COL5A3: variants seen among roughly 807,000 people sequenced by gnomAD.
COL5A3 encodes collagen alpha-3(V) chain.
Under a neutral mutation model 250.0 loss-of-function variants are expected in COL5A3, and 172 were observed. The ratio of observed to expected loss-of-function variants is 0.69; its 90% confidence interval spans 0.61 to 0.78. The LOEUF (loss-of-function observed/expected upper bound fraction) is 0.78, where lower values mean the gene tolerates loss of function less well. Ranked by LOEUF, COL5A3 falls within the 30% of genes least tolerant of loss-of-function variation. COL5A3 has a pLI of 0.00. For missense variants in COL5A3, 2,340 were observed against 2,334.4 expected (o/e 1.00, Z -0.05); for synonymous variants, 937 against 900.4 (o/e 1.04, Z -0.73).
intron 31 of COL5A3, among the ~76,000 whole-genome samples, chr19:9,983,576 GAAAGAAAGAAAGAAAGAAAGAAAGAGAA>G: frequency 1.5e-5 from 1 of 68,264 alleles, no homozygotes; most frequent in Non-Finnish European, 3.6e-5. Context: ...AAGAAAGAAA[GAAAGAAAGAAAGAAAGAAAGAAAGAGAA>G]AGAGAGAGAG....
In COL5A3 at chr19:10,001,536, G is replaced by A; in HGVS notation, c.1098C>T (p.Phe366=). ...RAAEYPSRTQ[F]QIFPGAGEKG... is the part of the protein sequence containing the mutation. The stretch of plus-strand genomic sequence containing the variant: ...CCTAGAAACTCACAGGAAAGATCTG[G>A]AACTGAGTCCGAGATGGATATTCTG... The change falls in exon 8 of 67, where the codon TTC becomes TTT. Residue 366 remains phenylalanine (F), a synonymous_variant. Coordinates refer to ENST00000264828, the MANE Select transcript of COL5A3 (RefSeq NM_015719.4). The A allele has an allele frequency of 1.9e-6, 3 of 1,614,070 alleles. No homozygotes were observed. In the South Asian group the frequency reaches 3.3e-5, roughly 18 times the overall value.
At chr19:9,970,477 G>GGGTAAGCGGGGACTGTAA (rs2086827736) in intron 54 of COL5A3, 145 bp downstream of exon 54, 2 of 427,846 alleles carry the variant, frequency 4.7e-6, no homozygotes, top group African/African-American at 2.8e-5. Flanking sequence ...GGGGTCTGTG[G>GGGTAAGCGGGGACTGTAA]GGTGAGTGGG....
chr19:9,996,832 G>T, intron 11 of COL5A3, 143 bp from the exon 12 acceptor site: 1 of 634,394 alleles, frequency 1.6e-6, no homozygotes, highest in Non-Finnish European at 2.7e-6. Context: ...AGGGATCATG[G>T]CAAGGAAAGA....
Position 9,970,189 on chromosome 19 carries a change from GGTCTGTGGGT to G in COL5A3, c.3937-277_3937-268del, listed in dbSNP as rs1190210862. Among the ~76,000 whole-genome samples the G allele has an allele frequency of 6.6e-5, 7 of 105,296 alleles. 1 individual carries two copies. The highest frequency in any genetic ancestry group is 8.1e-5 in the Non-Finnish European group (4 of 49,492). The allele number at this position is 105,296 out of a possible 152,430, so 69.1% of individuals were successfully genotyped here. ...GTGAGTGGGGTCTGTGGGTGAGTGGGGTCTGTGGGTGAGTGGGGGCTGTGGGTGAGTGGGG... is the reference window on the plus strand; with the variant it reads ...GTGAGTGGGGTCTGTGGGTGAGTGGGGAGTGGGGGCTGTGGGTGAGTGGGG... On this transcript the variant is annotated intron_variant, in intron 54 of 66. Transcript: ENST00000264828.
intron 1 of COL5A3, among the ~76,000 whole-genome samples, chr19:10,007,161 T>C (rs1255675817): frequency 6.8e-6 from 1 of 147,338 alleles, no homozygotes; most frequent in Non-Finnish European, 1.5e-5. Flanking sequence ...CTCCTCTGAC[T>C]TTCCCCTCTG....
Position 9,993,804 on chromosome 19 carries a change from G to T in COL5A3, c.1590C>A (p.Gly530=). ...CCCGAGCTCCATCTGCTCCAGGGCG[G>T]CCCTATGGAGAAAGTAAGCCCAAGA... ...HGPPGRVGKM[G]RPGADGARGL... Residue 530 remains glycine, a splice_region_variant and synonymous_variant, in exon 17 of 67, where the codon GGC becomes GGA. Transcript: ENST00000264828. The T allele has an allele frequency of 2.5e-6, 4 of 1,614,084 alleles. No individual in the cohort carries two copies. The South Asian group carries it at 4.4e-5, about 18-fold the overall frequency.
At chr19:9,985,099 C>T (rs946826359) in intron 31 of COL5A3, among the ~76,000 whole-genome samples, 7 of 151,480 alleles carry the variant, frequency 4.6e-5, no homozygotes, top group African/African-American at 1.7e-4. Context: ...CAGGTGCATG[C>T]TACTATGCCC....
intron 1 of COL5A3, among the ~76,000 whole-genome samples, chr19:10,006,831 T>C (rs2087451137): frequency 6.6e-6 from 1 of 151,586 alleles, no homozygotes; most frequent in African/African-American, 2.4e-5. Flanking sequence ...TTCTTCTGCC[T>C]GACCCCAGCC....
rs1228944031 is a variant in COL5A3, at chr19:9,996,228, AG to A, written c.1456del (p.Leu486SerfsTer16). 8.9e-6 allele frequency: 14 copies of A among 1,577,494 alleles called. No homozygotes were observed. The highest frequency in any genetic ancestry group is 1.2e-5 in the Non-Finnish European group (14 of 1,164,046). The stretch of plus-strand genomic sequence containing the variant: ...CACCACAGGGCCTGGGCGCCCAGTG[AG>A]CCCCACTGGACCAGGGGGGCCTTTC... Reference protein sequence around the residue: ...SMKGPPGPVGLTGRPGPVGLP... With the variant: ...SMKGPPGPVGXTGRPGPVGLP... On this transcript the variant is annotated frameshift_variant, in exon 14 of 67. Transcript: ENST00000264828. LOFTEE classifies it high-confidence loss of function.
chr19:9,989,069 G>A (rs1599555477), intron 27 of COL5A3, 55 bp downstream of exon 27: 5 of 1,570,242 alleles, frequency 3.2e-6, no homozygotes, highest in Non-Finnish European at 1.8e-6. Flanking sequence ...GAGCTGCATC[G>A]CATGCCTGAA....
intron 8 of COL5A3, among the ~76,000 whole-genome samples, chr19:9,998,360 G>A (rs1168199667): frequency 6.6e-6 from 1 of 152,168 alleles, no homozygotes; most frequent in Non-Finnish European, 1.5e-5. Context: ...GGTGAATGAA[G>A]AGCGTGAAAT....
intron 54 of COL5A3, among the ~76,000 whole-genome samples, chr19:9,970,397 G>A: frequency 7.9e-6 from 1 of 126,886 alleles, no homozygotes; most frequent in African/African-American, 3.0e-5. Context: ...TGGGGTGAGT[G>A]GGGTCTGTGG....
chr19:9,966,245 T>C, intron 64 of COL5A3, 69 bp downstream of exon 64: 1 of 1,131,292 alleles, frequency 8.8e-7, no homozygotes, highest in Non-Finnish European at 1.3e-6. Context: ...CCAGACAAGG[T>C]GGTTGTGGGT....
intron 8 of COL5A3, among the ~76,000 whole-genome samples, 197 bp from the exon 9 acceptor site, chr19:9,998,346 C>T (rs531678509): frequency 6.6e-6 from 1 of 152,234 alleles, no homozygotes; most frequent in South Asian, 2.1e-4. Flanking sequence ...CAATGCCATG[C>T]CAAGGTGAAT....
chr19:9,980,069 T>A, intron 35 of COL5A3, 22 bp from the exon 36 acceptor site: 1 of 1,592,268 alleles, frequency 6.3e-7, no homozygotes, highest in South Asian at 1.1e-5. Context: ...ACAGAAATCA[T>A]GATCTCATCC....
rs79931051 is a variant in COL5A3, at chr19:9,986,956, G to A, written c.2146-198C>T. Among the ~76,000 whole-genome samples, 7 of 152,262 alleles carry A rather than the reference G, an allele frequency of 4.6e-5. No homozygotes were observed. In the East Asian group the frequency reaches 7.7e-4, roughly 17 times the overall value. On this transcript the variant is annotated intron_variant, in intron 27 of 66. Coordinates refer to ENST00000264828, the MANE Select transcript of COL5A3 (RefSeq NM_015719.4). The stretch of plus-strand genomic sequence containing the variant: ...GGAGGCCTCTCAAGGTCATCTGTGC[G>A]GGGGTGTGCAGGGAAGGCCAAATTT...
chr19:9,975,416 T>TGAGTA (rs2086905640), intron 45 of COL5A3, among the ~76,000 whole-genome samples: 1 of 152,074 alleles, frequency 6.6e-6, no homozygotes, highest in African/African-American at 2.4e-5. Flanking sequence ...GTTAAGGTCA[T>TGAGTA]GAGTAGAGTT....
chr19:9,978,865 G>A, intron 40 of COL5A3, 26 bp downstream of exon 40: 2 of 1,346,922 alleles, frequency 1.5e-6, no homozygotes, highest in Non-Finnish European at 2.0e-6. Context: ...TAAGGGACAT[G>A]CAGGAGGGTC....
Position 10,006,022 on chromosome 19 carries a change from C to T in COL5A3, c.248-37G>A, listed in dbSNP as rs750280320. 1.1e-5 allele frequency: 17 copies of T among 1,610,914 alleles called. No individual in the cohort carries two copies. The South Asian group carries it at 1.9e-4, about 18-fold the overall frequency. On this transcript the variant is annotated intron_variant, in intron 2 of 66. Transcript: ENST00000264828. ...GAGGGAACAAGGCAGCTCAGAGGGC[C>T]CAGCAGTGCCTCCCTCCGGGGAGGT...
Sources: gnomAD v4.1 joint callset for allele counts (sites outside exome capture counted in the v4.1 genomes callset) on GRCh38, gnomAD v4.1.1 for gene constraint, MANE v1.5 for transcripts, NCBI Gene and HGNC (gene_info 2026-07-23, HGNC 2026-07-21) for gene names.